The following FARSB variants were observed in gnomAD, a reference collection of about 807,000 sequenced individuals.
The protein encoded by FARSB is phenylalanyl-tRNA synthetase subunit beta.
In FARSB, 40 loss-of-function variants were observed where a neutral mutation model predicts 69.6. That is an observed-to-expected ratio of 0.57 (90% CI 0.45 to 0.75). The LOEUF (loss-of-function observed/expected upper bound fraction) is 0.75. FARSB is among the 30% of genes least tolerant of loss of function. The pLI is 0.00. For missense variants in FARSB, 632 were observed against 722.9 expected, an observed-to-expected ratio of 0.87 and a Z score of 1.44; for synonymous variants, 235 against 247.2, an observed-to-expected ratio of 0.95 and a Z score of 0.46.
chr2:222,612,952 C>T (rs554135942), intron 15 of FARSB, among the ~76,000 whole-genome samples: 1 of 152,334 alleles, frequency 6.6e-6, no homozygotes, highest in Admixed American at 6.5e-5. Context: ...AACACATTCG[C>T]AGTCACTGGT....
chr2:222,597,229 A>G (rs1690442445), intron 16 of FARSB, among the ~76,000 whole-genome samples: 1 of 152,244 alleles, frequency 6.6e-6, no homozygotes, highest in South Asian at 2.1e-4. Context: ...TCATGTTCAT[A>G]AATCTTGGAC....
At chr2:222,605,975 T>C (rs1458199297) in intron 15 of FARSB, among the ~76,000 whole-genome samples, 1 of 152,160 alleles carries the variant, frequency 6.6e-6, no homozygotes, top group Non-Finnish European at 1.5e-5. Context: ...TCTATTTCAT[T>C]CAAGAAAGGT....
intron 1 of FARSB, among the ~76,000 whole-genome samples, chr2:222,650,287 C>A (rs1321702005): frequency 6.6e-6 from 1 of 152,168 alleles, no homozygotes; most frequent in African/African-American, 2.4e-5. Context: ...TTCTTACAGG[C>A]AGGCAATGGA....
intron 16 of FARSB, among the ~76,000 whole-genome samples, chr2:222,582,406 CAGA>C (rs1313778358): frequency 6.6e-6 from 1 of 152,132 alleles, no homozygotes; most frequent in Non-Finnish European, 1.5e-5. Context: ...ACACATACAT[CAGA>C]AGGATAAACT....
At chr2:222,584,148 T>A (rs919023655) in intron 16 of FARSB, among the ~76,000 whole-genome samples, 25 of 152,164 alleles carry the variant, frequency 1.6e-4, no homozygotes, top group Admixed American at 1.3e-4. Context: ...TGTCCTTGTT[T>A]ATAGGAAATA....
intron 16 of FARSB, among the ~76,000 whole-genome samples, chr2:222,577,818 G>C (rs553549821): frequency 2.0e-5 from 3 of 152,202 alleles, no homozygotes; most frequent in African/African-American, 7.2e-5. Flanking sequence ...CATTTCTTAT[G>C]AAACATTTAG....
chr2:222,643,844 C>G (rs1237475196), intron 2 of FARSB, among the ~76,000 whole-genome samples: 1 of 152,184 alleles, frequency 6.6e-6, no homozygotes, highest in Non-Finnish European at 1.5e-5. Flanking sequence ...ATATCTCAAG[C>G]ACCACACTAC....
chr2:222,653,355 TAAAG>T (rs138675583), intron 1 of FARSB, among the ~76,000 whole-genome samples: 5,464 of 150,924 alleles, frequency 0.036, 309 homozygotes, highest in African/African-American at 0.13. Flanking sequence ...TTGGAGGGAC[TAAAG>T]AGAGAGAATG....
At chr2:222,577,016 TACA>T (rs982556395) in intron 16 of FARSB, among the ~76,000 whole-genome samples, 2 of 152,046 alleles carry the variant, frequency 1.3e-5, no homozygotes, top group Admixed American at 6.6e-5. Context: ...ACCGATGGAC[TACA>T]ACAAGGGGAG....
At chr2:222,580,877 G>A (rs1380331463) in intron 16 of FARSB, among the ~76,000 whole-genome samples, 1 of 152,186 alleles carries the variant, frequency 6.6e-6, no homozygotes, top group African/African-American at 2.4e-5. Flanking sequence ...GAAAATGAGG[G>A]TTCTGGTTCT....
rs1192544818 is a variant in FARSB, at chr2:222,569,570, A to T, written c.*2301T>A. On this transcript the variant is annotated 3_prime_UTR_variant, in exon 17 of 17. Transcript: ENST00000281828. ...CCAGCTTTACAAAGGTATAACCTAC[A>T]CCTGAAGTACACCTACCACCTCAAT... 4 of 152,182 alleles carry T rather than the reference A, an allele frequency of 2.6e-5. No homozygotes were observed. The highest frequency in any genetic ancestry group is 5.9e-5 in the Non-Finnish European group (4 of 68,028). The allele number at this position is 152,182 out of a possible 1,614,324, so 9.4% of individuals were successfully genotyped here.
chr2:222,636,179 G>T, intron 5 of FARSB, among the ~76,000 whole-genome samples: 1 of 151,846 alleles, frequency 6.6e-6, no homozygotes, highest in Non-Finnish European at 1.5e-5. Context: ...GGCCGAGGCA[G>T]GTGGATCACA....
intron 1 of FARSB, among the ~76,000 whole-genome samples, chr2:222,651,659 T>C (rs1692041002): frequency 6.6e-6 from 1 of 152,226 alleles, no homozygotes; most frequent in African/African-American, 2.4e-5. Context: ...ATTTCAGAGA[T>C]GTGTAGGTGG....
At chr2:222,642,189 C>T (rs1418477906) in intron 3 of FARSB, among the ~76,000 whole-genome samples, 4 of 152,052 alleles carry the variant, frequency 2.6e-5, no homozygotes, top group African/African-American at 4.8e-5. Context: ...TTAGTAGAGA[C>T]GGGGTTTCAC....
intron 8 of FARSB, among the ~76,000 whole-genome samples, chr2:222,630,465 C>A (rs1691390792): frequency 6.6e-6 from 1 of 152,188 alleles, no homozygotes; most frequent in South Asian, 2.1e-4. Flanking sequence ...TGGCTAATTA[C>A]TGGAATAAAT....
At chr2:222,604,336 A>G (rs2106201474) in intron 15 of FARSB, among the ~76,000 whole-genome samples, 1 of 152,126 alleles carries the variant, frequency 6.6e-6, no homozygotes, top group South Asian at 2.1e-4. Context: ...GAAATAAATT[A>G]TTTTTAAGAG....
chr2:222,612,751 C>G (rs1441919419), intron 15 of FARSB, among the ~76,000 whole-genome samples: 1 of 152,140 alleles, frequency 6.6e-6, no homozygotes, highest in Non-Finnish European at 1.5e-5. Flanking sequence ...CAGCTTCGAA[C>G]AGTCAGATTT....
chr2:222,586,742 G>C (rs988821670), intron 16 of FARSB, among the ~76,000 whole-genome samples: 5 of 152,038 alleles, frequency 3.3e-5, no homozygotes, highest in African/African-American at 1.2e-4. Context: ...TAAACCAAAA[G>C]ATCAAAAGAG....
chr2:222,643,065 A>G, intron 2 of FARSB, 60 bp from the exon 3 acceptor site: 7 of 1,075,376 alleles, frequency 6.5e-6, no homozygotes, highest in Non-Finnish European at 7.9e-6. Context: ...TTTAAAAAGT[A>G]AAAGTTGTCA....
Sources: gnomAD v4.1 joint callset for allele counts (sites outside exome capture counted in the v4.1 genomes callset) on GRCh38, gnomAD v4.1.1 for gene constraint, MANE v1.5 for transcripts, NCBI Gene and HGNC (gene_info 2026-07-23, HGNC 2026-07-21) for gene names.